The following PCCA variants were observed in gnomAD, a reference collection of about 807,000 sequenced individuals.
PCCA encodes propionyl-CoA carboxylase subunit alpha.
A neutral mutation model predicts 101.3 loss-of-function variants in PCCA; 74 were observed. That is an observed-to-expected ratio of 0.73 (90% CI 0.61 to 0.89). PCCA has a LOEUF of 0.89. Among genes scored for constraint, PCCA ranks in the 40% least tolerant of loss-of-function variants. The pLI is 0.00. For missense variants in PCCA, 891 were observed against 907.0 expected (o/e 0.98, Z 0.23); for synonymous variants, 294 against 313.6 (o/e 0.94, Z 0.66).
At chr13:100,488,431 G>A (rs2084580942) in intron 21 of PCCA, among the ~76,000 whole-genome samples, 1 of 152,010 alleles carries the variant, frequency 6.6e-6, no homozygotes, top group Non-Finnish European at 1.5e-5. Flanking sequence ...AGTAATCTTT[G>A]AGTTGAGATT....
chr13:100,264,744 C>T (rs1378004871), intron 10 of PCCA, among the ~76,000 whole-genome samples: 1 of 152,084 alleles, frequency 6.6e-6, no homozygotes, highest in Non-Finnish European at 1.5e-5. Context: ...TGTTGGATTA[C>T]ATAGTAAGGT....
chr13:100,335,021 C>G (rs186020916), intron 17 of PCCA, among the ~76,000 whole-genome samples: 1 of 152,050 alleles, frequency 6.6e-6, no homozygotes, highest in East Asian at 1.9e-4. Flanking sequence ...AAAGAAGATG[C>G]AAGGAATGTA....
chr13:100,116,548 G>C (rs568857236), intron 4 of PCCA, among the ~76,000 whole-genome samples: 1 of 152,146 alleles, frequency 6.6e-6, no homozygotes, highest in African/African-American at 2.4e-5. Context: ...CTTCAAAATT[G>C]TCTTCAGTAT....
chr13:100,263,876 T>TAG (rs2062710373), intron 10 of PCCA, among the ~76,000 whole-genome samples: 2 of 150,858 alleles, frequency 1.3e-5, no homozygotes, highest in African/African-American at 4.9e-5. Flanking sequence ...ATATCGTATA[T>TAG]ATATGGTATC....
At chr13:100,507,694 T>C (rs1028588100) in intron 21 of PCCA, among the ~76,000 whole-genome samples, 10 of 152,326 alleles carry the variant, frequency 6.6e-5, no homozygotes, top group African/African-American at 2.2e-4. Flanking sequence ...TCTCGCACTG[T>C]GGCCTGGGCT....
At chr13:100,460,023 G>A (rs1375060472) in intron 21 of PCCA, among the ~76,000 whole-genome samples, 2 of 152,236 alleles carry the variant, frequency 1.3e-5, no homozygotes, top group Non-Finnish European at 1.5e-5. Flanking sequence ...TTGAGGGTTA[G>A]GCATTCAGCA....
chr13:100,408,792 T>G (rs1249355810), intron 19 of PCCA, among the ~76,000 whole-genome samples: 1 of 151,906 alleles, frequency 6.6e-6, no homozygotes, highest in Non-Finnish European at 1.5e-5. Flanking sequence ...AGTTCCGGGG[T>G]GGGGGTCTGG....
At chr13:100,403,401 T>A (rs1309256567) in intron 19 of PCCA, among the ~76,000 whole-genome samples, 1 of 152,158 alleles carries the variant, frequency 6.6e-6, no homozygotes, top group Non-Finnish European at 1.5e-5. Context: ...CACATGGTTC[T>A]GCAGGCTGTG....
chr13:100,176,283 A>G (rs1268178523), intron 6 of PCCA, among the ~76,000 whole-genome samples: 1 of 152,184 alleles, frequency 6.6e-6, no homozygotes, highest in African/African-American at 2.4e-5. Flanking sequence ...TTGTAGAAAA[A>G]CTTCATATAT....
intron 21 of PCCA, among the ~76,000 whole-genome samples, chr13:100,453,522 G>C (rs1284828196): frequency 6.6e-6 from 1 of 151,794 alleles, no homozygotes; most frequent in Non-Finnish European, 1.5e-5. Context: ...GAAAAAGAAA[G>C]TGCAGGGAGC....
intron 17 of PCCA, among the ~76,000 whole-genome samples, chr13:100,334,688 T>C (rs2070165542): frequency 6.6e-6 from 1 of 152,182 alleles, no homozygotes; most frequent in Admixed American, 6.5e-5. Flanking sequence ...TCCAAATTAG[T>C]GACTCAAAGG....
intron 21 of PCCA, among the ~76,000 whole-genome samples, chr13:100,466,467 G>A (rs1168641928): frequency 6.6e-6 from 1 of 152,136 alleles, no homozygotes; most frequent in African/African-American, 2.4e-5. Context: ...AGATTGTGAG[G>A]GGAACAGCTA....
At chr13:100,324,837 A>G (rs1484484850) in intron 16 of PCCA, among the ~76,000 whole-genome samples, 1 of 152,180 alleles carries the variant, frequency 6.6e-6, no homozygotes, top group East Asian at 1.9e-4. Context: ...TTCTCTCTCC[A>G]GTAAATTGCA....
chr13:100,322,660 T>G (rs2068194545), intron 16 of PCCA, among the ~76,000 whole-genome samples: 1 of 152,034 alleles, frequency 6.6e-6, no homozygotes, highest in Non-Finnish European at 1.5e-5. Context: ...AACTTCGAAC[T>G]CCTGGGCTCA....
chr13:100,325,978 C>T (rs1381644928), intron 16 of PCCA, among the ~76,000 whole-genome samples: 1 of 152,146 alleles, frequency 6.6e-6, no homozygotes, highest in Non-Finnish European at 1.5e-5. Flanking sequence ...CTGTAAGGTC[C>T]TTTCAGGCTC....
In PCCA at chr13:100,529,763, AC is replaced by A. The variant is rs755797345; in HGVS notation, c.2119-333del. On this transcript the variant is annotated intron_variant, in intron 23 of 23. Transcript: ENST00000376285. ...AGAGGGAGGCTAGGGGTTAGAACTC[AC>A]CTGGCAGTGAAGAGCCTGCCTAGAC... 6.4e-4 allele frequency among the ~76,000 whole-genome samples: 98 copies of A among 152,272 alleles called. 1 individual carries two copies. The highest frequency in any genetic ancestry group is 1.2e-3 in the Non-Finnish European group (81 of 68,014).
intron 20 of PCCA, among the ~76,000 whole-genome samples, chr13:100,437,013 C>T (rs999301525): frequency 3.3e-5 from 5 of 152,130 alleles, no homozygotes; most frequent in Non-Finnish European, 5.9e-5. Flanking sequence ...TCCTGTTGGC[C>T]TCTGTTTGCT....
chr13:100,388,119 A>T (rs538155796), intron 19 of PCCA, among the ~76,000 whole-genome samples: 1 of 152,348 alleles, frequency 6.6e-6, no homozygotes. Flanking sequence ...TAAAATATTT[A>T]TAGTAGTCAA....
At chr13:100,388,888 C>A (rs536953232) in intron 19 of PCCA, among the ~76,000 whole-genome samples, 2 of 152,304 alleles carry the variant, frequency 1.3e-5, no homozygotes, top group South Asian at 4.1e-4. Context: ...AACAGTGGAG[C>A]CATCTGTTAA....
Sources: gnomAD v4.1 joint callset for allele counts (sites outside exome capture counted in the v4.1 genomes callset) on GRCh38, gnomAD v4.1.1 for gene constraint, MANE v1.5 for transcripts, NCBI Gene and HGNC (gene_info 2026-07-23, HGNC 2026-07-21) for gene names.